The following NKAIN3 variants were observed in gnomAD, a reference collection of about 807,000 sequenced individuals.
The protein encoded by NKAIN3 is sodium/potassium-transporting ATPase subunit beta-1-interacting protein 3.
Under a neutral mutation model 30.2 loss-of-function variants are expected in NKAIN3, and 25 were observed. That is an observed-to-expected ratio of 0.83 (90% confidence interval 0.60 to 1.16). The LOEUF is 1.16. Ranked by LOEUF, NKAIN3 falls within the 50% of genes most tolerant of loss-of-function variation. NKAIN3 has a pLI of 0.00. For missense variants in NKAIN3, 225 were observed against 254.1 expected (o/e 0.89, Z 0.78); for synonymous variants, 91 against 89.6 (o/e 1.02, Z -0.09).
Position 62,827,961 on chromosome 8 carries a change from A to T in NKAIN3, c.471+80832A>T, listed in dbSNP as rs77869665. 1.1e-4 allele frequency among the ~76,000 whole-genome samples: 16 copies of T among 152,310 alleles called. No individual in the cohort carries two copies. In the East Asian group the frequency reaches 2.9e-3, roughly 28 times the overall value. ...AATAAAATATAATGAAGTTCTGCAC[A>T]TGAAAGTTCATAGCAGATTTATATG... On this transcript the variant is annotated intron_variant, in intron 4 of 6. Coordinates refer to ENST00000623646, the MANE Select transcript of NKAIN3 (RefSeq NM_001304533.3).
intron 5 of NKAIN3, among the ~76,000 whole-genome samples, chr8:62,994,678 C>A (rs746230582): frequency 1.3e-5 from 2 of 152,174 alleles, no homozygotes; most frequent in Non-Finnish European, 2.9e-5. Context: ...AGGAGCATCT[C>A]CTTGAAGGGA....
At chr8:62,405,826 C>T (rs988550516) in intron 1 of NKAIN3, among the ~76,000 whole-genome samples, 1 of 152,166 alleles carries the variant, frequency 6.6e-6, no homozygotes, top group Non-Finnish European at 1.5e-5. Context: ...TATTTGGCCA[C>T]CTTGCTCTGC....
intron 5 of NKAIN3, among the ~76,000 whole-genome samples, chr8:62,927,591 C>T (rs963849830): frequency 1.3e-5 from 2 of 151,818 alleles, no homozygotes; most frequent in African/African-American, 4.8e-5. Context: ...TCACATGTGC[C>T]CCCAAAACTA....
intron 1 of NKAIN3, among the ~76,000 whole-genome samples, chr8:62,326,898 T>C (rs763498415): frequency 2.0e-5 from 3 of 152,054 alleles, no homozygotes; most frequent in Non-Finnish European, 2.9e-5. Flanking sequence ...CACAGTGTCC[T>C]GCATCATTTT....
chr8:62,531,280 A>C (rs1318615773), intron 1 of NKAIN3, among the ~76,000 whole-genome samples: 1 of 152,136 alleles, frequency 6.6e-6, no homozygotes, highest in African/African-American at 2.4e-5. Flanking sequence ...GAACATTAAG[A>C]GTCTCATGTT....
At chr8:62,500,478 AAAG>A (rs1418113737) in intron 1 of NKAIN3, among the ~76,000 whole-genome samples, 37 of 147,030 alleles carry the variant, frequency 2.5e-4, no homozygotes, top group African/African-American at 8.0e-4. Flanking sequence ...AGAAAGAAAG[AAAG>A]AAAGAAGAAA....
intron 1 of NKAIN3, among the ~76,000 whole-genome samples, chr8:62,263,595 C>T (rs1334365935): frequency 6.6e-6 from 1 of 152,052 alleles, no homozygotes; most frequent in African/African-American, 2.4e-5. Context: ...GACTAGTATT[C>T]TAGGACCAAT....
At chr8:62,457,147 G>T (rs1460244753) in intron 1 of NKAIN3, among the ~76,000 whole-genome samples, 1 of 152,210 alleles carries the variant, frequency 6.6e-6, no homozygotes, top group Non-Finnish European at 1.5e-5. Flanking sequence ...TACACAGGAA[G>T]TGGCTGAATC....
chr8:62,452,603 G>A (rs1805678540), intron 1 of NKAIN3, among the ~76,000 whole-genome samples: 1 of 152,194 alleles, frequency 6.6e-6, no homozygotes, highest in Non-Finnish European at 1.5e-5. Context: ...CTGGAACACA[G>A]TAATTATGAG....
At chr8:62,463,402 A>G (rs1315848884) in intron 1 of NKAIN3, among the ~76,000 whole-genome samples, 1 of 152,232 alleles carries the variant, frequency 6.6e-6, no homozygotes, top group African/African-American at 2.4e-5. Context: ...TATGTTCTAC[A>G]CTATCATATT....
intron 1 of NKAIN3, among the ~76,000 whole-genome samples, chr8:62,518,560 T>C (rs1363177786): frequency 2.0e-5 from 3 of 152,158 alleles, no homozygotes; most frequent in Non-Finnish European, 2.9e-5. Context: ...ACTTAGTAAA[T>C]GCTAAATAAT....
At chr8:62,431,406 C>T (rs1454509829) in intron 1 of NKAIN3, among the ~76,000 whole-genome samples, 1 of 151,730 alleles carries the variant, frequency 6.6e-6, no homozygotes, top group East Asian at 1.9e-4. Context: ...ACATATATAG[C>T]AATTTTTTTC....
chr8:62,898,030 C>T (rs1821487780), intron 4 of NKAIN3, among the ~76,000 whole-genome samples: 1 of 152,144 alleles, frequency 6.6e-6, no homozygotes, highest in Non-Finnish European at 1.5e-5. Context: ...GACACATGCA[C>T]CTCAAGGTGC....
chr8:62,491,292 C>G (rs1264121359), intron 1 of NKAIN3, among the ~76,000 whole-genome samples: 1 of 152,178 alleles, frequency 6.6e-6, no homozygotes, highest in Non-Finnish European at 1.5e-5. Flanking sequence ...AGATACACTA[C>G]AAATAGATCC....
At position 62,324,787 on chromosome 8, in the gene NKAIN3, CCT is replaced by C. The variant is rs549089562; in HGVS notation, c.54+75661_54+75662del. Reference sequence around the variant, plus strand: ...ATAAGTAGTTAATAAGTCACAGTATCCTACCCGTGAGAATGAAATGTAACTTT... The same window carrying C: ...ATAAGTAGTTAATAAGTCACAGTATCACCCGTGAGAATGAAATGTAACTTT... On this transcript the variant is annotated intron_variant, in intron 1 of 6. Coordinates refer to ENST00000623646, the MANE Select transcript of NKAIN3 (RefSeq NM_001304533.3). Among the ~76,000 whole-genome samples, 31 of 152,184 alleles carry C rather than the reference CCT, an allele frequency of 2.0e-4. 1 individual carries two copies. In the South Asian group the frequency reaches 6.0e-3, roughly 30 times the overall value.
intron 3 of NKAIN3, among the ~76,000 whole-genome samples, chr8:62,706,785 C>A (rs141829530): frequency 1.1e-4 from 16 of 151,778 alleles, no homozygotes; most frequent in African/African-American, 3.9e-4. Context: ...CACTCGTCAC[C>A]CAAGCAGTAT....
intron 4 of NKAIN3, among the ~76,000 whole-genome samples, chr8:62,780,913 A>G (rs1390689992): frequency 6.6e-6 from 1 of 152,114 alleles, no homozygotes; most frequent in Admixed American, 6.6e-5. Flanking sequence ...CTCTTATTCA[A>G]CATAGTATAG....
chr8:62,298,074 C>CA (rs917170255), intron 1 of NKAIN3, among the ~76,000 whole-genome samples: 1 of 149,204 alleles, frequency 6.7e-6, no homozygotes, highest in Non-Finnish European at 1.5e-5. Context: ...ATCACAAGAA[C>CA]AAAAAACCAA....
Position 62,541,693 on chromosome 8 carries a change from A to AT in NKAIN3, c.55-37839dup, listed in dbSNP as rs533835829. On this transcript the variant is annotated intron_variant, in intron 1 of 6. Transcript: ENST00000623646. ...AATTCTATTTTCTCAAATTTATCTT[A>AT]TTTTTTTCATCTATTATCTTTTAAA... is the stretch of plus-strand genomic sequence containing the variant. 7.0e-3 allele frequency among the ~76,000 whole-genome samples: 1,050 copies of AT among 151,006 alleles called. 11 individuals carry two copies. Among genetic ancestry groups the AT allele is most frequent in the African/African-American group, 0.024 (1,004 of 41,092 alleles).
Sources: gnomAD v4.1 joint callset for allele counts (sites outside exome capture counted in the v4.1 genomes callset) on GRCh38, gnomAD v4.1.1 for gene constraint, MANE v1.5 for transcripts, NCBI Gene and HGNC (gene_info 2026-07-23, HGNC 2026-07-21) for gene names.